Variants in PTPN12 observed in about 807,000 individuals in gnomAD.
PTPN12 encodes protein tyrosine phosphatase non-receptor type 12.
Under a neutral mutation model 97.6 loss-of-function variants are expected in PTPN12, and 29 were observed. The ratio of observed to expected loss-of-function variants is 0.30; its 90% CI spans 0.22 to 0.41. The LOEUF is 0.41. PTPN12 is among the 10% of genes least tolerant of loss of function. The pLI, the probability that PTPN12 is intolerant of heterozygous loss-of-function variation, is 1.00. For synonymous variants in PTPN12, 327 were observed against 300.4 expected (o/e 1.09, Z -0.91); for missense variants, 819 against 926.0 (o/e 0.88, Z 1.50).
At chr7:77,550,874 A>T (rs1365426099) in intron 1 of PTPN12, among the ~76,000 whole-genome samples, 1 of 152,198 alleles carries the variant, frequency 6.6e-6, no homozygotes, top group Non-Finnish European at 1.5e-5. Context: ...AACTGTTGCC[A>T]TGAGCTTTGC....
chr7:77,610,886 G>T, intron 10 of PTPN12, 44 bp downstream of exon 10: 1 of 1,584,986 alleles, frequency 6.3e-7, no homozygotes, highest in South Asian at 1.2e-5. Flanking sequence ...TTTTATAAAT[G>T]CTTTCTTCTT....
chr7:77,546,073 G>A (rs868172134), intron 1 of PTPN12, among the ~76,000 whole-genome samples: 1 of 151,994 alleles, frequency 6.6e-6, no homozygotes, highest in Non-Finnish European at 1.5e-5. Context: ...CTGGGATTAC[G>A]GGCGCCCGTG....
chr7:77,537,509 G>T lies in PTPN12; in HGVS notation c.-38G>T. ...GCTCTGTGCCGGGCGGGCGGGCGGC[G>T]GGGGGGCCAGCGACCGCAGCCGGGG... On this transcript the variant is annotated 5_prime_UTR_variant, in exon 1 of 18. Coordinates refer to ENST00000248594, the MANE Select transcript of PTPN12 (RefSeq NM_002835.4). 1.9e-6 allele frequency: 3 copies of T among 1,546,660 alleles called. No individual in the cohort carries two copies. The highest frequency in any genetic ancestry group is 1.2e-5 in the South Asian group (1 of 83,970).
At chr7:77,587,397 A>G (rs902954349) in intron 5 of PTPN12, among the ~76,000 whole-genome samples, 10 of 151,538 alleles carry the variant, frequency 6.6e-5, no homozygotes, top group Non-Finnish European at 1.0e-4. Flanking sequence ...TTTTTTTTCC[A>G]ACCAGTAGTC....
At chr7:77,569,704 G>A (rs889913980) in intron 1 of PTPN12, among the ~76,000 whole-genome samples, 3 of 152,182 alleles carry the variant, frequency 2.0e-5, no homozygotes, top group Non-Finnish European at 4.4e-5. Flanking sequence ...CTGGGAAGCC[G>A]AGGTTGCAGT....
intron 12 of PTPN12, 54 bp from the exon 13 acceptor site, chr7:77,626,651 G>T: frequency 2.0e-6 from 3 of 1,506,168 alleles, no homozygotes; most frequent in Non-Finnish European, 2.7e-6. Context: ...TAATTCTCAG[G>T]TATCAACTTG....
chr7:77,592,392 A>G, intron 6 of PTPN12, 136 bp downstream of exon 6: 1 of 670,094 alleles, frequency 1.5e-6, no homozygotes, highest in Non-Finnish European at 2.3e-6. Flanking sequence ...ATTTAAAAAA[A>G]TTTTGTTTAT....
At chr7:77,540,480 G>A (rs182080941) in intron 1 of PTPN12, among the ~76,000 whole-genome samples, 11 of 151,898 alleles carry the variant, frequency 7.2e-5, no homozygotes, top group Admixed American at 7.2e-4. Context: ...GACTGACTTT[G>A]TGATCTGCCC....
chr7:77,608,547 G>A (rs1055980787), intron 9 of PTPN12, among the ~76,000 whole-genome samples: 8 of 152,094 alleles, frequency 5.3e-5, no homozygotes, highest in African/African-American at 4.8e-5. Context: ...CTAGAGAGGC[G>A]CCTTTAATCC....
intron 9 of PTPN12, among the ~76,000 whole-genome samples, chr7:77,609,532 A>C (rs895022545): frequency 6.6e-6 from 1 of 151,198 alleles, no homozygotes; most frequent in African/African-American, 2.4e-5. Flanking sequence ...GGCCTCTCAA[A>C]GTGCTGGGAT....
In PTPN12 at chr7:77,627,570, G is replaced by A; in HGVS notation, c.1891G>A (p.Val631Ile). The A allele has an allele frequency of 6.2e-7, 1 of 1,613,970 alleles. No individual in the cohort carries two copies. The highest frequency in any genetic ancestry group is 1.1e-5 in the South Asian group (1 of 91,078). Residue 631 changes from valine (V) to isoleucine (I), a missense_variant, in exon 13 of 18, where the codon GTT (valine) becomes ATT (isoleucine). This residue lies in a region of PTPN12 where 607 missense variants were observed against 577.3 expected (regional missense o/e 1.05). Transcript: ENST00000248594. ...TAATATTTCAACAGCAAGTGCCACA[G>A]TTTCTGCTGCCACTAGTACTGAAAG... ...KTNISTASAT[V>I]SAATSTESIS...
rs1789126443 is a variant in PTPN12, at chr7:77,625,510, T to TCTCTCTCC, written c.1026-1188_1026-1187insCCTCTCTC. 2.0e-5 allele frequency among the ~76,000 whole-genome samples: 2 copies of TCTCTCTCC among 100,326 alleles called. 1 individual carries two copies. The highest frequency in any genetic ancestry group is 4.0e-5 in the Non-Finnish European group (2 of 50,582). 65.8% of individuals were successfully genotyped at this position (100,326 alleles called of 152,430 possible). On this transcript the variant is annotated intron_variant, in intron 12 of 17. Transcript: ENST00000248594. ...CTCTCTCTCTCTCTCTCTCTCTCTC[T>TCTCTCTCC]CTCTCTCTCTCTCACTCTCACTCTC...
chr7:77,629,651 A>G (rs1562763380), intron 13 of PTPN12, among the ~76,000 whole-genome samples: 3 of 152,112 alleles, frequency 2.0e-5, no homozygotes, highest in African/African-American at 4.8e-5. Flanking sequence ...AAAAGTTACT[A>G]CTACATGACG....
chr7:77,600,580 T>C (rs1788159281), intron 7 of PTPN12, 84 bp from the exon 8 acceptor site: 1 of 1,193,098 alleles, frequency 8.4e-7, no homozygotes, highest in African/African-American at 1.5e-5. Context: ...ACAAATTTCT[T>C]AGAAATGGCA....
chr7:77,604,209 C>CTTTTTTTTTTTTTTTT (rs71082768), intron 8 of PTPN12, among the ~76,000 whole-genome samples: 14 of 52,802 alleles, frequency 2.7e-4, no homozygotes, highest in Non-Finnish European at 3.7e-4. Context: ...TTTTTTCTTC[C>CTTTTTTTTTTTTTTTT]TTTTTTTTTT....
intron 5 of PTPN12, 146 bp downstream of exon 5, chr7:77,585,727 C>A: frequency 3.5e-6 from 2 of 579,566 alleles, no homozygotes; most frequent in Non-Finnish European, 5.8e-6. Flanking sequence ...ATACAAGGGA[C>A]AAAATAATCT....
intron 15 of PTPN12, 98 bp downstream of exon 15, chr7:77,635,947 T>C: frequency 1.4e-6 from 1 of 701,638 alleles, no homozygotes; most frequent in African/African-American, 1.9e-5. Context: ...CTTAAGATCG[T>C]TAAATATAGT....
At chr7:77,564,082 T>C in intron 1 of PTPN12, 1 of 238,268 alleles carries the variant, frequency 4.2e-6, no homozygotes, top group Non-Finnish European at 8.8e-6. Context: ...TTTCACCATG[T>C]TGGCCAGGCT....
intron 2 of PTPN12, among the ~76,000 whole-genome samples, chr7:77,574,362 A>G (rs555568778): frequency 1.3e-5 from 2 of 152,350 alleles, no homozygotes; most frequent in South Asian, 4.1e-4. Flanking sequence ...TAATCATCAC[A>G]GCAAAACTCT....
Sources: allele counts gnomAD v4.1 joint callset (sites outside exome capture counted in the v4.1 genomes callset), GRCh38; gene constraint gnomAD v4.1.1; regional missense constraint gnomAD v4.1.1; transcripts MANE v1.5; gene names NCBI Gene and HGNC (gene_info 2026-07-23, HGNC 2026-07-21).